The following ZPBP variants were observed in gnomAD, a reference collection of about 807,000 sequenced individuals.
ZPBP encodes the protein zona pellucida-binding protein 1.
In ZPBP, 26 loss-of-function variants were observed where a neutral mutation model predicts 44.8. The observed-to-expected ratio is 0.58, with a 90% CI of 0.43 to 0.81. The LOEUF (loss-of-function observed/expected upper bound fraction) is 0.81, where lower values mean the gene tolerates loss of function less well. ZPBP is among the 30% of genes least tolerant of loss of function. The pLI, the probability that ZPBP is intolerant of heterozygous loss-of-function variation, is 0.00. For synonymous variants in ZPBP, 174 were observed against 153.2 expected (o/e 1.14, Z -1.00); for missense variants, 409 against 434.0 (o/e 0.94, Z 0.51).
chr7:49,899,551 T>C (rs690911), intron 2 of ZPBP, among the ~76,000 whole-genome samples: 143,812 of 151,978 alleles, frequency 0.95, 68,162 homozygotes, highest in African/African-American at 0.99. Context: ...GAGCAGACTT[T>C]AGAACAAGGA....
intron 7 of ZPBP, chr7:49,943,022 TG>T (rs1458987980): frequency 1.1e-5 from 3 of 275,192 alleles, no homozygotes; most frequent in Non-Finnish European, 1.4e-5. Context: ...GGGTGAAAGC[TG>T]GGGGGCCACA....
intron 2 of ZPBP, among the ~76,000 whole-genome samples, chr7:49,859,236 T>G (rs1032677325): frequency 2.0e-5 from 3 of 152,254 alleles, no homozygotes; most frequent in Non-Finnish European, 4.4e-5. Flanking sequence ...TATCTTGAGT[T>G]ACCATTTGGG....
intron 1 of ZPBP, among the ~76,000 whole-genome samples, chr7:49,911,375 T>A (rs1793415120): frequency 6.9e-6 from 1 of 145,708 alleles, no homozygotes; most frequent in Non-Finnish European, 1.5e-5. Context: ...CCAGCTACTC[T>A]GGAGGCTGCG....
At chr7:50,002,006 C>T (rs1414822463) in intron 6 of ZPBP, among the ~76,000 whole-genome samples, 1 of 152,098 alleles carries the variant, frequency 6.6e-6, no homozygotes, top group Non-Finnish European at 1.5e-5. Flanking sequence ...ACTACAAGCA[C>T]ACACACTACC....
At chr7:50,005,821 ATATGTGTG>A (rs1447351004) in intron 6 of ZPBP, among the ~76,000 whole-genome samples, 2 of 105,912 alleles carry the variant, frequency 1.9e-5, no homozygotes, top group Admixed American at 2.2e-4. Context: ...TCATAACTAT[ATATGTGTG>A]TGTGTGTGTG....
chr7:49,943,686 G>A (rs542037497), intron 7 of ZPBP: 3 of 275,970 alleles, frequency 1.1e-5, no homozygotes, highest in Middle Eastern at 8.3e-4. Flanking sequence ...CAAACATAAC[G>A]TGTTCCCAGG....
intron 1 of ZPBP, chr7:49,914,360 G>A (rs1793610783): frequency 6.6e-6 from 1 of 152,204 alleles, no homozygotes; most frequent in African/African-American, 2.4e-5. Context: ...TGCATATAGA[G>A]AGAATGAACC....
chr7:50,090,378 C>G (rs1391154940), intron 1 of ZPBP, among the ~76,000 whole-genome samples: 1 of 151,938 alleles, frequency 6.6e-6, no homozygotes, highest in Non-Finnish European at 1.5e-5. Flanking sequence ...AGTTACTTCA[C>G]TTAGAATAAT....
downstream of ZPBP, among the ~76,000 whole-genome samples, chr7:49,849,840 C>T (rs1310197337): frequency 1.3e-5 from 2 of 152,162 alleles, no homozygotes; most frequent in Non-Finnish European, 2.9e-5. Flanking sequence ...TTCTAACCTG[C>T]GAGGCCAGTG....
intron 6 of ZPBP, among the ~76,000 whole-genome samples, chr7:50,005,433 A>G (rs1201114041): frequency 1.3e-5 from 2 of 152,078 alleles, no homozygotes; most frequent in Non-Finnish European, 1.5e-5. Flanking sequence ...AAAAGCATAA[A>G]TTTATATTAA....
chr7:49,896,509 A>T (rs1403539722), intron 2 of ZPBP, among the ~76,000 whole-genome samples: 1 of 152,178 alleles, frequency 6.6e-6, no homozygotes, highest in African/African-American at 2.4e-5. Flanking sequence ...AAATAAACCA[A>T]AAGCAATGGA....
At chr7:50,090,234 C>G (rs1443363762) in intron 1 of ZPBP, among the ~76,000 whole-genome samples, 1 of 151,712 alleles carries the variant, frequency 6.6e-6, no homozygotes, top group Non-Finnish European at 1.5e-5. Context: ...GTCTTTTATC[C>G]CTCACCCCCA....
rs1349966764 is a variant in ZPBP, at chr7:49,877,507, T to TATATATATATATAG, written n.509+23610_509+23611insCTATATATATATAT. ...ATATATATATATATATATATATATA[T>TATATATATATATAG]ATATATATATAGTTATTTGGTCACT... On this transcript the variant is annotated intron_variant and non_coding_transcript_variant, in intron 2 of 2. Transcript: ENST00000465922. 2.9e-3 allele frequency among the ~76,000 whole-genome samples: 263 copies of TATATATATATATAG among 90,288 alleles called. 16 individuals are homozygous for TATATATATATATAG. Among genetic ancestry groups the TATATATATATATAG allele is most frequent in the Non-Finnish European group, 5.0e-3 (217 of 42,992 alleles). The allele number at this position is 90,288 out of a possible 152,430, so 59.2% of individuals were successfully genotyped here.
At chr7:49,924,411 C>A (rs1794149154) in intron 1 of ZPBP, among the ~76,000 whole-genome samples, 1 of 152,046 alleles carries the variant, frequency 6.6e-6, no homozygotes, top group South Asian at 2.1e-4. Flanking sequence ...TTACTCTGAG[C>A]TATAAAGTTT....
chr7:49,958,663 T>C (rs1331684156), intron 7 of ZPBP, among the ~76,000 whole-genome samples: 2 of 152,208 alleles, frequency 1.3e-5, no homozygotes, highest in South Asian at 2.1e-4. Context: ...TGACAAATTA[T>C]GGAGTCTGTG....
At chr7:49,876,162 G>C (rs1205864064) in intron 2 of ZPBP, among the ~76,000 whole-genome samples, 1 of 152,178 alleles carries the variant, frequency 6.6e-6, no homozygotes, top group Admixed American at 6.5e-5. Context: ...TGTCTTGGCT[G>C]TATAAGAACT....
At chr7:49,871,131 G>A (rs1304474523) in intron 2 of ZPBP, among the ~76,000 whole-genome samples, 3 of 152,106 alleles carry the variant, frequency 2.0e-5, no homozygotes, top group Non-Finnish European at 2.9e-5. Context: ...AATACAAAAG[G>A]TGATAAAGGA....
intron 5 of ZPBP, among the ~76,000 whole-genome samples, chr7:50,022,421 C>T (rs1285826766): frequency 6.6e-6 from 1 of 151,718 alleles, no homozygotes; most frequent in Non-Finnish European, 1.5e-5. Flanking sequence ...TTTTGGAATA[C>T]TATTATAACT....
intron 7 of ZPBP, chr7:49,944,274 T>A: frequency 2.9e-6 from 1 of 346,778 alleles, no homozygotes. Context: ...GGCTTAATGA[T>A]CTTACCACAG....
Sources: gnomAD v4.1 joint callset for allele counts (sites outside exome capture counted in the v4.1 genomes callset) on GRCh38, gnomAD v4.1.1 for gene constraint, MANE v1.5 for transcripts, NCBI Gene and HGNC (gene_info 2026-07-23, HGNC 2026-07-21) for gene names.